Variants in GREB1 observed in about 807,000 individuals in gnomAD.
The protein encoded by GREB1 is protein GREB1.
In GREB1, 106 loss-of-function variants were observed where a neutral mutation model predicts 200.7. That is an observed-to-expected ratio of 0.53 (90% CI 0.45 to 0.62). GREB1 has a LOEUF of 0.62. Ranked by LOEUF, GREB1 falls within the 20% of genes least tolerant of loss-of-function variation. The pLI, the probability that GREB1 is intolerant of heterozygous loss-of-function variation, is 0.00. For synonymous variants in GREB1, 1,132 were observed against 1,092.4 expected, an observed-to-expected ratio of 1.04 and a Z score of -0.72; for missense variants, 2,243 against 2,556.8, an observed-to-expected ratio of 0.88 and a Z score of 2.65.
intron 22 of GREB1, among the ~76,000 whole-genome samples, chr2:11,619,757 T>C (rs1262561637): frequency 6.6e-6 from 1 of 152,220 alleles, no homozygotes; most frequent in Non-Finnish European, 1.5e-5. Flanking sequence ...TTTGACTTTT[T>C]CTTGTTGATT....
intron 17 of GREB1, 48 bp from the exon 18 acceptor site, chr2:11,610,640 C>T (rs1305134376): frequency 1.8e-5 from 26 of 1,425,048 alleles, no homozygotes; most frequent in Non-Finnish European, 2.5e-5. Flanking sequence ...CAGCAGCAGG[C>T]CGGTGGGCGC....
In GREB1 at chr2:11,600,845, A is replaced by G; in HGVS notation, c.2379A>G (p.Gly793=). The G allele has an allele frequency of 6.2e-7, 1 of 1,614,082 alleles. No homozygotes were observed. Among genetic ancestry groups the G allele is most frequent in the African/African-American group, 1.3e-5 (1 of 75,012 alleles). Residue 793 remains glycine, a synonymous_variant, in exon 16 of 33, where the codon GGA becomes GGG. Coordinates refer to ENST00000381486, the MANE Select transcript of GREB1 (RefSeq NM_014668.4). ...NLYSQSDPSV[G]LVDRLLNCRE... is the part of the protein sequence containing the mutation. ...ATTCTCAAAGTGACCCGTCGGTGGG[A>G]TTGGTGGACCGATTGCTCAACTGCA... is the stretch of plus-strand genomic sequence containing the variant.
At chr2:11,516,427 C>T (rs897752516) in intron 1 of GREB1, among the ~76,000 whole-genome samples, 12 of 152,072 alleles carry the variant, frequency 7.9e-5, no homozygotes, top group Admixed American at 3.3e-4. Context: ...TGACTTCTCC[C>T]AGGTCTCCAC....
Position 11,595,360 on chromosome 2 carries a change from C to G in GREB1, c.1806C>G (p.Phe602Leu), listed in dbSNP as rs1472445174. 1.9e-6 allele frequency: 3 copies of G among 1,613,622 alleles called. No individual in the cohort carries two copies. The highest frequency in any genetic ancestry group is 1.7e-5 in the Admixed American group (1 of 59,996). Reference sequence around the variant, plus strand: ...GGAAGGTAGACTCGCTGGGGGCCTTCTTTAGCACCCTCTGTCCAGGTAGGC... The same window carrying G: ...GGAAGGTAGACTCGCTGGGGGCCTTGTTTAGCACCCTCTGTCCAGGTAGGC... Reference protein sequence around the residue: ...VTGKVDSLGAFFSTLCPEGDI... With the variant: ...VTGKVDSLGALFSTLCPEGDI... Residue 602 changes from phenylalanine to leucine, a missense_variant, in exon 12 of 33, where the codon TTC (phenylalanine) becomes TTG (leucine). Phe to Leu is a conservative substitution (Grantham distance 22, BLOSUM62 0). This residue lies in a region of GREB1 where 1,178 missense variants were observed against 1,387.4 expected (regional missense o/e 0.85). Coordinates refer to ENST00000381486, the MANE Select transcript of GREB1 (RefSeq NM_014668.4).
chr2:11,562,777 C>T, intron 3 of GREB1, 195 bp downstream of exon 3: 1 of 495,744 alleles, frequency 2.0e-6, no homozygotes, highest in South Asian at 3.2e-5. Context: ...GAAACAGGAG[C>T]TCCAGAGACA....
chr2:11,509,000 G>A (rs1399908275), intron 1 of GREB1, among the ~76,000 whole-genome samples: 4 of 150,592 alleles, frequency 2.7e-5, no homozygotes, highest in South Asian at 2.1e-4. Flanking sequence ...TCAGCCTCCC[G>A]AGTAGCTGGG....
At chr2:11,617,469 G>A (rs1334098097) in intron 21 of GREB1, among the ~76,000 whole-genome samples, 4 of 152,238 alleles carry the variant, frequency 2.6e-5, no homozygotes, top group Non-Finnish European at 4.4e-5. Context: ...CATAAAAGAC[G>A]TGTTATTTTG....
At chr2:11,485,090 G>T (rs1672623616) in intron 1 of GREB1, among the ~76,000 whole-genome samples, 1 of 152,168 alleles carries the variant, frequency 6.6e-6, no homozygotes, top group South Asian at 2.1e-4. Context: ...GCCTCCCAGA[G>T]TGCTGGGATT....
At position 11,585,998 on chromosome 2, in the gene GREB1, T is replaced by C. The variant is rs1680045157; in HGVS notation, c.1159+93T>C. 4 of 1,299,694 alleles carry C rather than the reference T, an allele frequency of 3.1e-6. No homozygotes were observed. In the Admixed American group the frequency reaches 5.2e-5, roughly 17 times the overall value. 80.5% of individuals were successfully genotyped at this position (1,299,694 alleles called of 1,614,324 possible). A position where few individuals can be genotyped will look rare whatever the true frequency, so the allele number is the denominator to read the frequency against. On this transcript the variant is annotated intron_variant, in intron 9 of 32. Transcript: ENST00000381486. ...AAGCGAGACCTCATCCCGGTCTGACTCCAAGGGTATCCTCCTGAGACAAAC... is the reference window on the plus strand; with the variant it reads ...AAGCGAGACCTCATCCCGGTCTGACCCCAAGGGTATCCTCCTGAGACAAAC...
chr2:11,490,591 C>T (rs1213133160), intron 1 of GREB1, among the ~76,000 whole-genome samples: 2 of 152,180 alleles, frequency 1.3e-5, no homozygotes, highest in African/African-American at 2.4e-5. Flanking sequence ...CTCTGTTGCC[C>T]AGGCTGGAGT....
At chr2:11,596,358 G>C in intron 13 of GREB1, 119 bp downstream of exon 13, 1 of 780,332 alleles carries the variant, frequency 1.3e-6, no homozygotes, top group South Asian at 1.8e-5. Flanking sequence ...TGCACAGTGA[G>C]GGGGCAGGGG....
At chr2:11,536,405 C>T (rs190941805) in intron 1 of GREB1, among the ~76,000 whole-genome samples, 5 of 152,234 alleles carry the variant, frequency 3.3e-5, no homozygotes, top group African/African-American at 1.2e-4. Flanking sequence ...AAAGCCAAGC[C>T]ATATTTATTT....
intron 1 of GREB1, among the ~76,000 whole-genome samples, chr2:11,513,564 C>T (rs754702688): frequency 3.2e-4 from 48 of 152,286 alleles, no homozygotes; most frequent in Non-Finnish European, 5.6e-4. Flanking sequence ...GAATTTTCTC[C>T]CTTTTCTGAA....
chr2:11,490,649 A>G (rs2148404860), intron 1 of GREB1, among the ~76,000 whole-genome samples: 1 of 152,282 alleles, frequency 6.6e-6, no homozygotes, highest in Middle Eastern at 3.4e-3. Flanking sequence ...CCAAGGTTCA[A>G]GTGATTCTCC....
At chr2:11,508,992 A>G (rs1311498570) in intron 1 of GREB1, among the ~76,000 whole-genome samples, 2 of 149,296 alleles carry the variant, frequency 1.3e-5, no homozygotes, top group African/African-American at 5.0e-5. Flanking sequence ...CTCCTGCCTC[A>G]GCCTCCCGAG....
chr2:11,602,974 C>A (rs1681920663), intron 17 of GREB1, among the ~76,000 whole-genome samples: 1 of 152,154 alleles, frequency 6.6e-6, no homozygotes, highest in Non-Finnish European at 1.5e-5. Flanking sequence ...CTGATTTGAT[C>A]CTCACTGCCT....
chr2:11,509,436 C>A (rs1229602620), intron 1 of GREB1, among the ~76,000 whole-genome samples: 3 of 150,092 alleles, frequency 2.0e-5, no homozygotes, highest in Non-Finnish European at 4.4e-5. Flanking sequence ...ATCCTTTCAT[C>A]CAAAAATGCT....
intron 1 of GREB1, among the ~76,000 whole-genome samples, chr2:11,528,633 A>C (rs1359435585): frequency 1.3e-5 from 2 of 152,140 alleles, no homozygotes; most frequent in Non-Finnish European, 2.9e-5. Context: ...TCCCAAGTAG[A>C]ATATTTTATA....
chr2:11,495,285 G>A lies in GREB1; in HGVS notation c.-159+12904G>A, dbSNP rs530843493. On this transcript the variant is annotated intron_variant, in intron 1 of 2. Transcript: ENST00000628795. The stretch of plus-strand genomic sequence containing the variant: ...CTAAGCTACACCGTAGCCTCAGAAT[G>A]TAAGGACTAGGATACACATTCTACA... Among the ~76,000 whole-genome samples, 7 of 152,296 alleles carry A rather than the reference G, an allele frequency of 4.6e-5. No homozygotes were observed. In the East Asian group the frequency reaches 9.7e-4, roughly 21 times the overall value.
Sources: gnomAD v4.1 joint callset for allele counts (sites outside exome capture counted in the v4.1 genomes callset) on GRCh38, gnomAD v4.1.1 for gene constraint, gnomAD v4.1.1 regional missense constraint, MANE v1.5 for transcripts, NCBI Gene and HGNC (gene_info 2026-07-23, HGNC 2026-07-21) for gene names.